Variants in TNRC18 observed in about 807,000 individuals in gnomAD.
The protein encoded by TNRC18 is trinucleotide repeat containing 18.
TNRC18 carries 69 observed loss-of-function variants against 226.7 expected under a neutral mutation model. That is an observed-to-expected ratio of 0.30 (90% CI 0.25 to 0.37). The LOEUF (loss-of-function observed/expected upper bound fraction) is 0.37, where lower values mean the gene tolerates loss of function less well. Among genes scored for constraint, TNRC18 ranks in the 10% least tolerant of loss-of-function variants. The pLI is 1.00. For synonymous variants in TNRC18, 2,449 were observed against 1,927.6 expected, an observed-to-expected ratio of 1.27 and a Z score of -7.09; for missense variants, 4,754 against 4,256.6, an observed-to-expected ratio of 1.12 and a Z score of -3.25.
intron 2 of TNRC18, among the ~76,000 whole-genome samples, chr7:5,399,408 G>C (rs560276898): frequency 6.6e-6 from 1 of 152,174 alleles, no homozygotes; most frequent in African/African-American, 2.4e-5. Context: ...TAAGACCAAT[G>C]ACCGTCAAAA....
chr7:5,376,308 AG>A, intron 8 of TNRC18, 84 bp from the exon 9 acceptor site: 2 of 1,204,392 alleles, frequency 1.7e-6, no homozygotes, highest in East Asian at 2.7e-5. Flanking sequence ...GAAGCCAGAG[AG>A]GGGCCACACC....
intron 18 of TNRC18, among the ~76,000 whole-genome samples, chr7:5,335,996 G>A (rs551490969): frequency 1.3e-5 from 2 of 151,620 alleles, no homozygotes; most frequent in Non-Finnish European, 2.9e-5. Context: ...CACTTGAGGT[G>A]AGGAGTTTGA....
At chr7:5,401,459 CCT>C (rs1310560997) in intron 2 of TNRC18, among the ~76,000 whole-genome samples, 1 of 152,164 alleles carries the variant, frequency 6.6e-6, no homozygotes, top group East Asian at 1.9e-4. Context: ...CTCAGCCTTC[CCT>C]GTCCTTTTTC....
At chr7:5,320,804 G>C in intron 22 of TNRC18, 197 bp from the exon 23 acceptor site, 1 of 624,334 alleles carries the variant, frequency 1.6e-6, no homozygotes. Flanking sequence ...GGGTTGCAAG[G>C]CACAGTCCAG....
At chr7:5,372,423 A>C (rs1444432038) in intron 10 of TNRC18, among the ~76,000 whole-genome samples, 1 of 148,004 alleles carries the variant, frequency 6.8e-6, no homozygotes, top group East Asian at 2.0e-4. Flanking sequence ...GGGATTCACC[A>C]TGTTGGTCAG....
intron 18 of TNRC18, among the ~76,000 whole-genome samples, chr7:5,342,428 CAA>C (rs557401325): frequency 2.8e-4 from 24 of 86,410 alleles, no homozygotes; most frequent in East Asian, 3.3e-4. Context: ...GACTCAGTCT[CAA>C]AAAAAAAAAA....
At chr7:5,320,272 C>G in intron 24 of TNRC18, 46 bp downstream of exon 24, 4 of 1,457,056 alleles carry the variant, frequency 2.7e-6, no homozygotes, top group Non-Finnish European at 2.8e-6. Flanking sequence ...CAAGTCCATA[C>G]TGAGATGTTA....
rs940727400 is a variant in TNRC18 at position 5,388,547 on chromosome 7, A to G, written c.1277T>C (p.Leu426Pro). The G allele has an allele frequency of 2.6e-4, 339 of 1,313,690 alleles. No homozygotes were observed. The highest frequency in any genetic ancestry group is 1.5e-3 in the Admixed American group (36 of 23,394). 81.4% of individuals were successfully genotyped at this position (1,313,690 alleles called of 1,614,324 possible). ...GCGGATGACCGAGTTCTTCTCGCGCAGGCCCTCGGGCCGGTCCAGAGGCCG... is the reference window on the plus strand; with the variant it reads ...GCGGATGACCGAGTTCTTCTCGCGCGGGCCCTCGGGCCGGTCCAGAGGCCG... The part of the protein sequence containing the change: ...SPRPLDRPEG[L>P]REKNSVIRSL... Residue 426 changes from leucine to proline, a missense_variant, in exon 5 of 30, where the codon CTG becomes CCG. Physicochemically the swap from Leu to Pro is moderately conservative, Grantham distance 98. Coordinates refer to ENST00000430969, the MANE Select transcript of TNRC18 (RefSeq NM_001080495.3).
Position 5,370,389 on chromosome 7 carries a change from C to T in TNRC18, c.4205G>A (p.Ser1402Asn). ...EIAELELERRSQEMGGAERAL... is the reference protein window; with the variant it reads ...EIAELELERRNQEMGGAERAL... ...CGCACTCTCACCTCCCATCTCTTGG[C>T]TCCTCCTCTCCAGCTCCAGCTCTGC... is the stretch of plus-strand genomic sequence containing the variant. Residue 1402 changes from serine to asparagine, a missense_variant, in exon 11 of 30, where the codon AGC becomes AAC. Coordinates refer to ENST00000430969, the MANE Select transcript of TNRC18 (RefSeq NM_001080495.3). The T allele has an allele frequency of 6.5e-7, 1 of 1,546,690 alleles. No individual in the cohort carries two copies. The highest frequency in any genetic ancestry group is 8.7e-7 in the Non-Finnish European group (1 of 1,144,664).
intron 16 of TNRC18, among the ~76,000 whole-genome samples, chr7:5,354,179 G>A (rs1792115634): frequency 6.6e-6 from 1 of 151,814 alleles, no homozygotes; most frequent in African/African-American, 2.4e-5. Context: ...CTCCAGCCTG[G>A]GCAAAAACAG....
chr7:5,345,517 G>GGGGGGGGGGCCCCAC, intron 18 of TNRC18, 45 bp downstream of exon 18: 1 of 377,744 alleles, frequency 2.6e-6, no homozygotes, highest in Non-Finnish European at 4.8e-6. Flanking sequence ...AATGGCGTCC[G>GGGGGGGGGGCCCCAC]CCCCTCCCAC....
intron 2 of TNRC18, among the ~76,000 whole-genome samples, chr7:5,408,654 G>GA (rs960733898): frequency 1.2e-4 from 18 of 150,924 alleles, no homozygotes; most frequent in South Asian, 4.2e-4. Context: ...AAAACAGAAA[G>GA]AAAAAAAAAC....
At chr7:5,389,461 G>GTTTTTTTGGTTTTTTTTTGTTTTTT (rs1554297477) in intron 4 of TNRC18, 125 bp from the exon 5 acceptor site, 7 of 565,554 alleles carry the variant, frequency 1.2e-5, no homozygotes, top group Non-Finnish European at 1.1e-5. Context: ...TTTGGTTTTG[G>GTTTTTTTGGTTTTTTTTTGTTTTTT]TTTTTTTTTT....
chr7:5,406,122 G>T (rs1021150539), intron 2 of TNRC18, among the ~76,000 whole-genome samples: 2 of 152,134 alleles, frequency 1.3e-5, no homozygotes, highest in African/African-American at 4.8e-5. Flanking sequence ...ACAACAACGT[G>T]GATGTACCTT....
Position 5,371,187 on chromosome 7 carries a change from G to A in TNRC18, c.3407C>T (p.Ser1136Phe), listed in dbSNP as rs760259348. The A allele has an allele frequency of 2.5e-6, 4 of 1,605,686 alleles. No homozygotes were observed. Among genetic ancestry groups the A allele is most frequent in the East Asian group, 2.2e-5 (1 of 44,626 alleles). Reference protein sequence around the residue: ...LSPEDKPIRLSPSKITEPLRE... With the variant: ...LSPEDKPIRLFPSKITEPLRE... ...CAGCGGCTCTGTGATCTTGGAGGGG[G>A]ACAAGCGGATGGGCTTGTCTTCGGG... Residue 1136 changes from serine (S) to phenylalanine (F), a missense_variant, in exon 11 of 30, where the codon TCC (serine) becomes TTC (phenylalanine). By Grantham distance (155) the Ser-to-Phe change is radical (BLOSUM62 -2). Transcript: ENST00000430969.
chr7:5,369,622 G>A (rs1793962714), intron 11 of TNRC18, among the ~76,000 whole-genome samples: 1 of 152,074 alleles, frequency 6.6e-6, no homozygotes, highest in South Asian at 2.1e-4. Flanking sequence ...AGAGAGACTA[G>A]GGAAGGGCCT....
intron 5 of TNRC18, among the ~76,000 whole-genome samples, chr7:5,379,022 C>T (rs1293842769): frequency 1.3e-5 from 2 of 151,692 alleles, no homozygotes; most frequent in Non-Finnish European, 2.9e-5. Context: ...GGCAAAACAC[C>T]GTCTCTACTA....
intron 2 of TNRC18, chr7:5,420,165 CGCAGCGCCCGCCCGGGT>C (rs1380501695): frequency 3.0e-6 from 1 of 333,984 alleles, no homozygotes; most frequent in Non-Finnish European, 5.9e-6. Flanking sequence ...CCCGCCCCGG[CGCAGCGCCCGCCCGGGT>C]ACCGTCCCCA....
intron 2 of TNRC18, among the ~76,000 whole-genome samples, chr7:5,395,201 G>T (rs149381213): frequency 1.8e-4 from 27 of 152,336 alleles, no homozygotes; most frequent in Non-Finnish European, 3.2e-4. Context: ...ATGCAGCCCT[G>T]CAGGGTGTCC....
Sources: gnomAD v4.1 joint callset for allele counts (sites outside exome capture counted in the v4.1 genomes callset) on GRCh38, gnomAD v4.1.1 for gene constraint, MANE v1.5 for transcripts, NCBI Gene and HGNC (gene_info 2026-07-23, HGNC 2026-07-21) for gene names.